SLC24A2: variants seen among roughly 807,000 people sequenced by gnomAD.
SLC24A2 encodes the protein solute carrier family 24 member 2.
SLC24A2 carries 36 observed loss-of-function variants against 62.0 expected under a neutral mutation model. The ratio of observed to expected loss-of-function variants is 0.58; its 90% confidence interval spans 0.44 to 0.77. The LOEUF is 0.77. SLC24A2 is among the 30% of genes least tolerant of loss of function. The pLI is 0.00. For synonymous variants in SLC24A2, 358 were observed against 294.0 expected (o/e 1.22, Z -2.23); for missense variants, 846 against 817.9 (o/e 1.03, Z -0.42).
At chr9:20,119,330 A>T in the SLC24A2 span, among the ~76,000 whole-genome samples, 2 of 152,100 alleles carry the variant, frequency 1.3e-5, no homozygotes, top group East Asian at 1.9e-4. Flanking sequence ...AAATCACTAC[A>T]TTTTTTTGTA....
chr9:19,730,738 G>C (rs1229508864), intron 2 of SLC24A2, among the ~76,000 whole-genome samples: 1 of 151,856 alleles, frequency 6.6e-6, no homozygotes, highest in Non-Finnish European at 1.5e-5. Flanking sequence ...TATTACTTTT[G>C]CATTAAAAAT....
At chr9:19,717,015 C>G (rs1481100108) in intron 2 of SLC24A2, among the ~76,000 whole-genome samples, 1 of 152,170 alleles carries the variant, frequency 6.6e-6, no homozygotes, top group Non-Finnish European at 1.5e-5. Context: ...CAGTGCTATT[C>G]CAGATGTTTG....
At chr9:20,159,764 T>G in the SLC24A2 span, among the ~76,000 whole-genome samples, 1 of 151,462 alleles carries the variant, frequency 6.6e-6, no homozygotes, top group East Asian at 1.9e-4. Context: ...AAAGCAGAAC[T>G]AGATATAATG....
At chr9:19,872,137 G>C in the SLC24A2 span, among the ~76,000 whole-genome samples, 1 of 152,168 alleles carries the variant, frequency 6.6e-6, no homozygotes, top group East Asian at 1.9e-4. Context: ...GGTCAAAAAG[G>C]ATGCTAGAGA....
intron 4 of SLC24A2, among the ~76,000 whole-genome samples, chr9:19,617,449 A>G (rs1817798480): frequency 6.6e-6 from 1 of 152,248 alleles, no homozygotes; most frequent in African/African-American, 2.4e-5. Context: ...ATAGGTATCT[A>G]TATTCATATC....
intron 2 of SLC24A2, among the ~76,000 whole-genome samples, chr9:19,717,320 G>C (rs1020148798): frequency 3.3e-5 from 5 of 152,146 alleles, no homozygotes; most frequent in African/African-American, 9.7e-5. Context: ...GATACACTAA[G>C]GTTCCACAGG....
chr9:20,005,451 G>A, the SLC24A2 span, among the ~76,000 whole-genome samples: 1 of 152,086 alleles, frequency 6.6e-6, no homozygotes, highest in Admixed American at 6.6e-5. Flanking sequence ...AGGAATAGAC[G>A]CTGATATTGT....
the SLC24A2 span, among the ~76,000 whole-genome samples, chr9:20,274,574 G>C: frequency 5.3e-5 from 8 of 152,236 alleles, no homozygotes; most frequent in South Asian, 1.2e-3. Context: ...TGGAGTCAGA[G>C]AGTTCACAGG....
chr9:19,735,888 A>G (rs1821494929), intron 2 of SLC24A2, among the ~76,000 whole-genome samples: 1 of 152,020 alleles, frequency 6.6e-6, no homozygotes, highest in African/African-American at 2.4e-5. Flanking sequence ...GGATAGCATT[A>G]GGAGATATAC....
At chr9:20,292,649 A>G in the SLC24A2 span, among the ~76,000 whole-genome samples, 1 of 152,138 alleles carries the variant, frequency 6.6e-6, no homozygotes, top group Non-Finnish European at 1.5e-5. Flanking sequence ...TCTGTCACTC[A>G]GGTTGGAGTG....
At chr9:19,645,432 G>A (rs1818614282) in intron 2 of SLC24A2, among the ~76,000 whole-genome samples, 1 of 152,102 alleles carries the variant, frequency 6.6e-6, no homozygotes, top group Non-Finnish European at 1.5e-5. Flanking sequence ...TGAGTTTATG[G>A]CTGTAAGAGA....
chr9:19,636,390 C>CTCT (rs1818352974), intron 2 of SLC24A2, among the ~76,000 whole-genome samples: 1 of 66,976 alleles, frequency 1.5e-5, no homozygotes, highest in Non-Finnish European at 2.7e-5. Context: ...TTTCTTTCTC[C>CTCT]CTCTCTCTCT....
At chr9:19,882,591 A>G in the SLC24A2 span, among the ~76,000 whole-genome samples, 6 of 151,880 alleles carry the variant, frequency 4.0e-5, no homozygotes, top group Admixed American at 1.3e-4. Flanking sequence ...GCAAATGTTC[A>G]GCGCTGCCAC....
At chr9:19,531,818 T>G (rs886382712) in intron 8 of SLC24A2, among the ~76,000 whole-genome samples, 13 of 151,982 alleles carry the variant, frequency 8.6e-5, no homozygotes, top group African/African-American at 2.7e-4. Context: ...TTTAATCTCT[T>G]TAAGCTTAGG....
At chr9:19,863,063 C>T in the SLC24A2 span, among the ~76,000 whole-genome samples, 1 of 151,908 alleles carries the variant, frequency 6.6e-6, no homozygotes, top group Non-Finnish European at 1.5e-5. Context: ...AAATGATATT[C>T]CATGCCATTG....
At chr9:19,583,037 A>T (rs1836254811) in intron 5 of SLC24A2, among the ~76,000 whole-genome samples, 1 of 152,004 alleles carries the variant, frequency 6.6e-6, no homozygotes, top group Non-Finnish European at 1.5e-5. Context: ...GTGATCAGTA[A>T]AACAGAACAT....
the SLC24A2 span, among the ~76,000 whole-genome samples, chr9:20,109,871 T>A: frequency 6.6e-6 from 1 of 152,170 alleles, no homozygotes; most frequent in Non-Finnish European, 1.5e-5. Context: ...CTTTCAGTCA[T>A]ATGGGATGCC....
At chr9:19,636,241 T>C (rs933159768) in intron 2 of SLC24A2, among the ~76,000 whole-genome samples, 27 of 152,024 alleles carry the variant, frequency 1.8e-4, no homozygotes, top group African/African-American at 6.3e-4. Context: ...AAATACTATT[T>C]AGTGCTAGGT....
At chr9:20,173,104 C>A in the SLC24A2 span, among the ~76,000 whole-genome samples, 1 of 151,964 alleles carries the variant, frequency 6.6e-6, no homozygotes, top group African/African-American at 2.4e-5. Context: ...TCAACAGATG[C>A]AGAAAAAACA....
Sources: gnomAD v4.1 joint callset for allele counts (sites outside exome capture counted in the v4.1 genomes callset) on GRCh38, gnomAD v4.1.1 for gene constraint, MANE v1.5 for transcripts, NCBI Gene and HGNC (gene_info 2026-07-23, HGNC 2026-07-21) for gene names.